Variants in FAM161B observed in about 807,000 individuals in gnomAD.
FAM161B encodes the protein protein FAM161B.
In FAM161B, 46 loss-of-function variants were observed where a neutral mutation model predicts 61.5. The ratio of observed to expected loss-of-function variants is 0.75; its 90% confidence interval spans 0.59 to 0.96. The LOEUF (loss-of-function observed/expected upper bound fraction) is 0.96. Among genes scored for constraint, FAM161B ranks in the 40% least tolerant of loss-of-function variants. The pLI, the probability that FAM161B is intolerant of heterozygous loss-of-function variation, is 0.00. For synonymous variants in FAM161B, 284 were observed against 302.7 expected (o/e 0.94, Z 0.64); for missense variants, 774 against 800.7 (o/e 0.97, Z 0.40).
downstream of FAM161B, among the ~76,000 whole-genome samples, chr14:73,931,317 A>C (rs1475970392): frequency 6.6e-6 from 1 of 152,200 alleles, no homozygotes; most frequent in African/African-American, 2.4e-5. Flanking sequence ...TGACATGGCT[A>C]AAGTGCTGTC....
the FAM161B span, among the ~76,000 whole-genome samples, chr14:73,926,020 T>TGA: frequency 6.6e-6 from 1 of 152,124 alleles, no homozygotes; most frequent in Non-Finnish European, 1.5e-5. Flanking sequence ...GGTGACAGAG[T>TGA]GAGACCCTGT....
chr14:73,936,408 G>A (rs2055971207), intron 7 of FAM161B, among the ~76,000 whole-genome samples: 1 of 152,062 alleles, frequency 6.6e-6, no homozygotes, highest in Non-Finnish European at 1.5e-5. Context: ...AGACTTTTGG[G>A]AGACAAATGA....
rs1347439607 is a variant in FAM161B at position 73,941,043 on chromosome 14, T to C, written c.1283A>G (p.Gln428Arg). 1 of 1,607,582 alleles carries C rather than the reference T, an allele frequency of 6.2e-7. No homozygotes were observed. Among genetic ancestry groups the C allele is most frequent in the South Asian group, 1.1e-5 (1 of 90,984 alleles). ...ATTGRRQDSPQPPATPLPRSR... is the reference protein window; with the variant it reads ...ATTGRRQDSPRPPATPLPRSR... ...CCTTGGCAGGGGTGTAGCTGGTGGC[T>C]GTGGGGAATCCTAGAAGAAACAAAG... is the stretch of plus-strand genomic sequence containing the variant. Residue 428 changes from glutamine to arginine, a missense_variant, in exon 5 of 9, where the codon CAG (glutamine) becomes CGG (arginine). By Grantham distance (43) the Gln-to-Arg change is conservative. Coordinates refer to ENST00000286544, the MANE Select transcript of FAM161B (RefSeq NM_152445.3).
At chr14:73,942,154 C>A (rs2056024329) in intron 4 of FAM161B, among the ~76,000 whole-genome samples, 1 of 152,084 alleles carries the variant, frequency 6.6e-6, no homozygotes, top group Non-Finnish European at 1.5e-5. Flanking sequence ...CCACATGTGG[C>A]AAATATTTGT....
chr14:73,935,898 T>C (rs753833054), intron 8 of FAM161B, 51 bp downstream of exon 8: 2 of 1,557,664 alleles, frequency 1.3e-6, no homozygotes, highest in Admixed American at 1.8e-5. Flanking sequence ...GTGGTATTAC[T>C]GGGTATGACA....
intron 4 of FAM161B, among the ~76,000 whole-genome samples, chr14:73,941,756 C>T (rs2056020932): frequency 6.6e-6 from 1 of 151,902 alleles, no homozygotes; most frequent in Middle Eastern, 3.2e-3. Context: ...TCCAGGCTGG[C>T]CTGCGGTGGC....
In FAM161B at chr14:73,937,352, T is replaced by C. The variant is rs547269687; in HGVS notation, c.1665+250A>G. Among the ~76,000 whole-genome samples, 4 of 152,290 alleles carry C rather than the reference T, an allele frequency of 2.6e-5. No individual in the cohort carries two copies. The East Asian group carries it at 5.8e-4, about 22-fold the overall frequency. On this transcript the variant is annotated intron_variant, in intron 7 of 8. Transcript: ENST00000286544. ...GCCCAGTCTGATGAAATCTGAATGG[T>C]AGACTACAGTGAAAGCTCTAGGAAG...
rs1273648474 is a variant in FAM161B at position 73,944,623 on chromosome 14, G to A, written c.637C>T (p.His213Tyr). 6.2e-6 allele frequency: 10 copies of A among 1,613,908 alleles called. No homozygotes were observed. The highest frequency in any genetic ancestry group is 2.2e-5 in the East Asian group (1 of 44,884). Residue 213 changes from histidine (H) to tyrosine (Y), a missense_variant, in exon 3 of 9, where the codon CAC (histidine) becomes TAC (tyrosine). His to Tyr is a moderately conservative substitution (Grantham distance 83, BLOSUM62 2). Transcript: ENST00000286544. ...QRQGEEEAECHRQFRAQPVPA... is the reference protein window; with the variant it reads ...QRQGEEEAECYRQFRAQPVPA... ...ACAGGCTGTGCCCGGAACTGCCTGT[G>A]GCACTCGGCCTCTTCCTCACCCTGC...
chr14:73,938,343 C>A (rs1041289159), intron 5 of FAM161B, among the ~76,000 whole-genome samples: 3 of 152,076 alleles, frequency 2.0e-5, no homozygotes, highest in Non-Finnish European at 4.4e-5. Context: ...CCTGTAATCC[C>A]AACTACTCGG....
At chr14:73,930,411 C>T (rs1170472590), downstream of FAM161B, among the ~76,000 whole-genome samples, 3 of 152,188 alleles carry the variant, frequency 2.0e-5, no homozygotes, top group Admixed American at 2.0e-4. Context: ...AATCCTCCTC[C>T]CTCAGCCTCC....
chr14:73,949,808 G>T, intron 1 of FAM161B, 165 bp downstream of exon 1: 1 of 962,344 alleles, frequency 1.0e-6, no homozygotes, highest in South Asian at 1.7e-5. Context: ...TATAAAGTCC[G>T]AGAGGTTCAG....
chr14:73,931,544 G>A (rs764596685), downstream of FAM161B: 11 of 1,609,706 alleles, frequency 6.8e-6, no homozygotes, highest in East Asian at 4.5e-5. Flanking sequence ...GGACATGAGC[G>A]TGGGTGCTGA....
Position 73,942,515 on chromosome 14 carries a change from C to T in FAM161B, c.1126G>A (p.Glu376Lys), listed in dbSNP as rs1214162936. ...PRVNPVVPDY[E>K]GLYKAFQRRA... Reference sequence around the variant, plus strand: ...CTCTGGAAGGCCTTGTAAAGGCCCTCATAGTCAGGGACCACAGGATTCACC... The same window carrying T: ...CTCTGGAAGGCCTTGTAAAGGCCCTTATAGTCAGGGACCACAGGATTCACC... The change falls in exon 4 of 9, where the codon GAG (glutamate) becomes AAG (lysine). Residue 376 changes from glutamate to lysine, a missense_variant. Glu to Lys is a moderately conservative substitution (Grantham distance 56, BLOSUM62 1). Transcript: ENST00000286544. 2 of 1,614,080 alleles carry T rather than the reference C, an allele frequency of 1.2e-6. No homozygotes were observed. Among genetic ancestry groups the T allele is most frequent in the Non-Finnish European group, 1.7e-6 (2 of 1,180,060 alleles).
At position 73,938,696 on chromosome 14, in the gene FAM161B, T is replaced by TC. The variant is rs1566673579; in HGVS notation, c.1401-585_1401-584insG. ...CTGAGGCAGGAGAATGGCATGAACC[T>TC]GGGAGGCGGAGCTTGCAGTGAGCCG... On this transcript the variant is annotated intron_variant, in intron 5 of 8. Transcript: ENST00000286544. Among the ~76,000 whole-genome samples, 109 of 149,680 alleles carry TC rather than the reference T, an allele frequency of 7.3e-4. 1 individual carries two copies. Among genetic ancestry groups the TC allele is most frequent in the African/African-American group, 2.6e-3 (105 of 40,574 alleles).
downstream of FAM161B, chr14:73,931,637 A>C: frequency 8.7e-7 from 1 of 1,151,344 alleles, no homozygotes; most frequent in Admixed American, 2.0e-5. Context: ...ACCAGAATGA[A>C]TCTTTGAAGG....
At chr14:73,935,071 A>T (rs1325753173) in intron 8 of FAM161B, among the ~76,000 whole-genome samples, 2 of 53,440 alleles carry the variant, frequency 3.7e-5, no homozygotes, top group Non-Finnish European at 1.1e-4. Flanking sequence ...CAAAAAAAAA[A>T]GTCTCAACAT....
At chr14:73,925,602 A>G in the FAM161B span, among the ~76,000 whole-genome samples, 24 of 151,932 alleles carry the variant, frequency 1.6e-4, no homozygotes, top group Non-Finnish European at 3.2e-4. Flanking sequence ...TAATTTTTGT[A>G]TTTTTATTAG....
At chr14:73,948,434 T>A (rs1466381293) in intron 1 of FAM161B, among the ~76,000 whole-genome samples, 1 of 152,174 alleles carries the variant, frequency 6.6e-6, no homozygotes, top group Non-Finnish European at 1.5e-5. Context: ...TGATTTTTAT[T>A]TTTCATTGTG....
Position 73,935,958 on chromosome 14 carries a change from T to C in FAM161B, c.1796A>G (p.Asp599Gly), listed in dbSNP as rs2055967881. ...AVQEKETKIK[D>G]FPRFQETTKL... ...CAACATTTCAGGTTACCTGGGAAAA[T>C]CCTTGATTTTGGTCTCTTTCTCTTG... is the stretch of plus-strand genomic sequence containing the variant. Residue 599 changes from aspartate (D) to glycine (G), a missense_variant, in exon 8 of 9, where the codon GAT (aspartate) becomes GGT (glycine). By Grantham distance (94) the Asp-to-Gly change is moderately conservative. Transcript: ENST00000286544. 6.2e-7 allele frequency: 1 copy of C among 1,607,582 alleles called. No homozygotes were observed. The highest frequency in any genetic ancestry group is 8.5e-7 in the Non-Finnish European group (1 of 1,176,054).
Sources: allele counts gnomAD v4.1 joint callset (sites outside exome capture counted in the v4.1 genomes callset), GRCh38; gene constraint gnomAD v4.1.1; transcripts MANE v1.5; gene names NCBI Gene and HGNC (gene_info 2026-07-23, HGNC 2026-07-21).